Variants in PARD3B observed in about 807,000 individuals in gnomAD.
The protein encoded by PARD3B is par-3 family cell polarity regulator beta.
Under a neutral mutation model 130.2 loss-of-function variants are expected in PARD3B, and 103 were observed. The ratio of observed to expected loss-of-function variants is 0.79; its 90% CI spans 0.67 to 0.93. The LOEUF (loss-of-function observed/expected upper bound fraction) is 0.93. Among genes scored for constraint, PARD3B ranks in the 40% least tolerant of loss-of-function variants. The pLI is 0.00. For missense variants in PARD3B, 1,609 were observed against 1,499.2 expected (o/e 1.07, Z -1.21); for synonymous variants, 583 against 553.2 (o/e 1.05, Z -0.76).
intron 2 of PARD3B, among the ~76,000 whole-genome samples, chr2:204,747,073 A>G (rs966497245): frequency 1.6e-4 from 24 of 152,108 alleles, no homozygotes; most frequent in Non-Finnish European, 3.2e-4. Flanking sequence ...CCTGAATGGT[A>G]TTGCCTAGGT....
rs1292361741 is a variant in PARD3B at position 204,610,048 on chromosome 2, C to CT, written c.120+63930dup. Among the ~76,000 whole-genome samples, 1 of 152,072 alleles carries CT rather than the reference C, an allele frequency of 6.6e-6. No individual in the cohort carries two copies. The highest frequency in any genetic ancestry group is 6.5e-5 in the Admixed American group (1 of 15,274). On this transcript the variant is annotated intron_variant, in intron 1 of 22. Transcript: ENST00000406610. This position sits in a 1 kb window ranked among gnomAD's most constrained non-coding sequence, Gnocchi z 4.1. Reference sequence around the variant, plus strand: ...TTGGTGTCTTATTGCCACAAAGCGTCTGTTTTTTCAGTCTTATGATGCCAA... The same window carrying CT: ...TTGGTGTCTTATTGCCACAAAGCGTCTTGTTTTTTCAGTCTTATGATGCCAA...
At chr2:204,835,056 A>G (rs2125575692) in intron 2 of PARD3B, among the ~76,000 whole-genome samples, 1 of 152,340 alleles carries the variant, frequency 6.6e-6, no homozygotes, top group South Asian at 2.1e-4. Flanking sequence ...ACCCTGCAGG[A>G]TTCTTGCATG....
At chr2:204,787,013 C>G (rs1348159471) in intron 2 of PARD3B, among the ~76,000 whole-genome samples, 1 of 152,034 alleles carries the variant, frequency 6.6e-6, no homozygotes, top group East Asian at 1.9e-4. Flanking sequence ...AGATCAACAA[C>G]ACGTACTTTT....
rs921830513 is a variant in PARD3B, at chr2:205,301,360, G to A, written c.2393-104G>A. The stretch of plus-strand genomic sequence containing the variant: ...AACCACATAGAAGGGTAGAACTACA[G>A]AGTGCTGTTATTCATTCTTTTGCAT... On this transcript the variant is annotated intron_variant, in intron 17 of 22. Transcript: ENST00000406610. The surrounding 1 kb of genome is among the most constrained non-coding windows in gnomAD (Gnocchi z 5.2). 4 of 1,516,094 alleles carry A rather than the reference G, an allele frequency of 2.6e-6. No homozygotes were observed. Among genetic ancestry groups the A allele is most frequent in the South Asian group, 1.4e-5 (1 of 72,758 alleles). 93.9% of individuals were successfully genotyped at this position (1,516,094 alleles called of 1,614,324 possible).
intron 3 of PARD3B, among the ~76,000 whole-genome samples, chr2:205,010,709 C>T (rs1452250345): frequency 6.6e-6 from 1 of 152,062 alleles, no homozygotes; most frequent in Non-Finnish European, 1.5e-5. Context: ...TGCTTCTATT[C>T]TCTTTTTACA....
rs920367709 is a variant in PARD3B at position 205,015,096 on chromosome 2, C to T, written c.395-32485C>T. Among the ~76,000 whole-genome samples, 5 of 152,008 alleles carry T rather than the reference C, an allele frequency of 3.3e-5. No individual in the cohort carries two copies. The highest frequency in any genetic ancestry group is 7.4e-5 in the Non-Finnish European group (5 of 68,016). Reference sequence around the variant, plus strand: ...TTAACTACTAATACCTATTGTTGACCAGAAGCCTTACCAATAACATAAACA... The same window carrying T: ...TTAACTACTAATACCTATTGTTGACTAGAAGCCTTACCAATAACATAAACA... On this transcript the variant is annotated intron_variant, in intron 3 of 22. Transcript: ENST00000406610. This position sits in a 1 kb window ranked among gnomAD's most constrained non-coding sequence, Gnocchi z 4.5.
chr2:205,531,251 T>C (rs2051579270), intron 21 of PARD3B, among the ~76,000 whole-genome samples: 1 of 151,918 alleles, frequency 6.6e-6, no homozygotes, highest in Non-Finnish European at 1.5e-5. Flanking sequence ...AATTAAGAGT[T>C]AGAGGAACAA....
intron 1 of PARD3B, among the ~76,000 whole-genome samples, chr2:204,612,123 G>A (rs140099931): frequency 2.0e-5 from 3 of 152,320 alleles, no homozygotes; most frequent in African/African-American, 7.2e-5. Flanking sequence ...ATAGGAGTAT[G>A]TGCAGAGAAA....
intron 2 of PARD3B, among the ~76,000 whole-genome samples, chr2:204,797,758 G>C (rs1487893720): frequency 6.6e-6 from 1 of 152,030 alleles, no homozygotes; most frequent in Non-Finnish European, 1.5e-5. Flanking sequence ...TGCCAAATTA[G>C]TGCTTCTACA....
intron 5 of PARD3B, among the ~76,000 whole-genome samples, chr2:205,110,760 A>G (rs1318587669): frequency 6.6e-6 from 1 of 151,074 alleles, no homozygotes; most frequent in Admixed American, 6.6e-5. Context: ...TGGCTACTAT[A>G]CTGTCCTCTA....
intron 21 of PARD3B, among the ~76,000 whole-genome samples, chr2:205,531,043 G>A (rs1269227888): frequency 2.0e-5 from 3 of 152,184 alleles, no homozygotes; most frequent in Non-Finnish European, 4.4e-5. Flanking sequence ...GAGCCTAAAC[G>A]TGATTGCTGT....
In PARD3B at chr2:205,550,230, G is replaced by A. The variant is rs115349913; in HGVS notation, c.3181-3094G>A. Reference sequence around the variant, plus strand: ...GGTTTGAGATGACGCTTCAACACCCGTATGACGCTGTCTTCAACTCTCCCA... The same window carrying A: ...GGTTTGAGATGACGCTTCAACACCCATATGACGCTGTCTTCAACTCTCCCA... On this transcript the variant is annotated intron_variant, in intron 21 of 22. Coordinates refer to ENST00000406610, the MANE Select transcript of PARD3B (RefSeq NM_001302769.2). This position sits in a 1 kb window ranked among gnomAD's most constrained non-coding sequence, Gnocchi z 4.5. Among the ~76,000 whole-genome samples, 115 of 152,200 alleles carry A rather than the reference G, an allele frequency of 7.6e-4. No homozygotes were observed. The highest frequency in any genetic ancestry group is 2.5e-3 in the African/African-American group (103 of 41,520).
At chr2:204,620,957 A>G (rs906776593) in intron 1 of PARD3B, among the ~76,000 whole-genome samples, 8 of 152,188 alleles carry the variant, frequency 5.3e-5, no homozygotes, top group African/African-American at 1.9e-4. Flanking sequence ...GAACAGTTTT[A>G]ATTATTTAGA....
At chr2:204,866,155 T>C (rs1404715192) in intron 2 of PARD3B, among the ~76,000 whole-genome samples, 1 of 152,176 alleles carries the variant, frequency 6.6e-6, no homozygotes, top group East Asian at 1.9e-4. Flanking sequence ...CTGTTTTTGA[T>C]TGGTCATTAC....
At chr2:205,246,736 C>A (rs1247851828) in intron 16 of PARD3B, among the ~76,000 whole-genome samples, 1 of 152,182 alleles carries the variant, frequency 6.6e-6, no homozygotes, top group East Asian at 1.9e-4. Context: ...TTACCTCCAT[C>A]ATGTTCCAGG....
intron 1 of PARD3B, among the ~76,000 whole-genome samples, chr2:204,549,486 T>TA (rs2030284861): frequency 6.6e-6 from 1 of 152,162 alleles, no homozygotes; most frequent in Non-Finnish European, 1.5e-5. Flanking sequence ...TGAACTTCAG[T>TA]AACCTCTAAT....
intron 6 of PARD3B, among the ~76,000 whole-genome samples, chr2:205,117,394 C>T (rs113939620): frequency 5.3e-5 from 8 of 152,288 alleles, no homozygotes; most frequent in African/African-American, 1.4e-4. Context: ...CCTGCAGCAG[C>T]GTGCTGTATT....
In PARD3B at chr2:204,689,997, A is replaced by C. The variant is rs1010827253; in HGVS notation, c.222+3715A>C. On this transcript the variant is annotated intron_variant, in intron 2 of 22. Coordinates refer to ENST00000406610, the MANE Select transcript of PARD3B (RefSeq NM_001302769.2). This position sits in a 1 kb window ranked among gnomAD's most constrained non-coding sequence, Gnocchi z 5.2. ...AGTATAACAAAACAGTTGAGTATAC[A>C]ATTTATTTATAAATTAATTCAGAAT... Among the ~76,000 whole-genome samples the C allele has an allele frequency of 2.0e-5, 3 of 152,178 alleles. No homozygotes were observed. Among genetic ancestry groups the C allele is most frequent in the African/African-American group, 7.2e-5 (3 of 41,446 alleles).
intron 1 of PARD3B, among the ~76,000 whole-genome samples, chr2:204,604,319 G>C (rs538984159): frequency 1.3e-5 from 2 of 152,106 alleles, no homozygotes; most frequent in South Asian, 4.2e-4. Context: ...TGGAATTCTT[G>C]GTATCAGAAA....
Sources: allele counts gnomAD v4.1 joint callset (sites outside exome capture counted in the v4.1 genomes callset), GRCh38; gene constraint gnomAD v4.1.1; non-coding constraint Gnocchi (gnomAD v3.1); transcripts MANE v1.5; gene names NCBI Gene and HGNC (gene_info 2026-07-23, HGNC 2026-07-21).